The following AGAP1 variants were observed in gnomAD, a reference collection of about 807,000 sequenced individuals.
The protein encoded by AGAP1 is arf-GAP with GTPase, ANK repeat and PH domain-containing protein 1.
Under a neutral mutation model 105.3 loss-of-function variants are expected in AGAP1, and 29 were observed. The observed-to-expected ratio is 0.28, with a 90% CI of 0.21 to 0.38. AGAP1 has a LOEUF of 0.38. Ranked by LOEUF, AGAP1 falls within the 10% of genes least tolerant of loss-of-function variation. AGAP1 has a pLI of 1.00. For synonymous variants in AGAP1, 509 were observed against 485.9 expected (o/e 1.05, Z -0.63); for missense variants, 998 against 1,165.1 (o/e 0.86, Z 2.09).
rs563456948 is a variant in AGAP1 at position 235,724,442 on chromosome 2, C to G, written c.310+6798C>G. On this transcript the variant is annotated intron_variant, in intron 3 of 17. Coordinates refer to ENST00000304032, the MANE Select transcript of AGAP1 (RefSeq NM_001037131.3). The surrounding 1 kb of genome is among the most constrained non-coding windows in gnomAD (Gnocchi z 4.9). ...CACTGGGAGATTAGCCTCCCTCATTCATTTTCCCGATAGAATATGATAGCT... is the reference window on the plus strand; with the variant it reads ...CACTGGGAGATTAGCCTCCCTCATTGATTTTCCCGATAGAATATGATAGCT... 1.3e-5 allele frequency among the ~76,000 whole-genome samples: 2 copies of G among 152,188 alleles called. No homozygotes were observed. Among genetic ancestry groups the G allele is most frequent in the Non-Finnish European group, 2.9e-5 (2 of 68,034 alleles).
At position 235,889,335 on chromosome 2, in the gene AGAP1, G is replaced by A. The variant is rs1034243615; in HGVS notation, c.1155+5886G>A. ...GTGGGGCTGGTGTGAGGCTGAAAAT[G>A]TACCTAGAATGGGTCGGCTGCCTGG... On this transcript the variant is annotated intron_variant, in intron 10 of 17. Transcript: ENST00000304032. The surrounding 1 kb of genome is among the most constrained non-coding windows in gnomAD (Gnocchi z 4.6). 6.6e-6 allele frequency among the ~76,000 whole-genome samples: 1 copy of A among 152,142 alleles called. No homozygotes were observed.
Position 235,774,166 on chromosome 2 carries a change from C to A in AGAP1, c.674-23593C>A, listed in dbSNP as rs150203802. The A allele has an allele frequency of 2.6e-4, 99 of 378,976 alleles. 1 individual carries two copies. Among genetic ancestry groups the A allele is most frequent in the African/African-American group, 2.0e-3 (96 of 46,862 alleles). The allele number at this position is 378,976 out of a possible 1,614,324, so 23.5% of individuals were successfully genotyped here. A position where few individuals can be genotyped will look rare whatever the true frequency, so the allele number is the denominator to read the frequency against. ...GAAAATTCAACTCATAAATAAATGC[C>A]CTTATTCTTGATATTATAGACATTT... On this transcript the variant is annotated intron_variant, in intron 6 of 17. Transcript: ENST00000304032.
At chr2:236,011,801 G>A (rs764962696) in intron 13 of AGAP1, among the ~76,000 whole-genome samples, 2 of 151,982 alleles carry the variant, frequency 1.3e-5, no homozygotes, top group African/African-American at 4.8e-5. Context: ...CCCGAGAATC[G>A]CCTTTTATTC....
intron 16 of AGAP1, among the ~76,000 whole-genome samples, chr2:236,079,601 C>CATACATATATATATAT (rs2058730669): frequency 6.6e-6 from 1 of 151,566 alleles, no homozygotes; most frequent in Non-Finnish European, 1.5e-5. Context: ...CATATACATA[C>CATACATATATATATAT]ATACATATAT....
At chr2:235,853,179 T>G (rs2048551371) in intron 9 of AGAP1, 2 of 1,086,422 alleles carry the variant, frequency 1.8e-6, no homozygotes, top group African/African-American at 1.6e-5. Flanking sequence ...GGTAGAAACA[T>G]AAAACATTAA....
intron 1 of AGAP1, among the ~76,000 whole-genome samples, chr2:235,519,753 A>G (rs1337780374): frequency 6.6e-6 from 1 of 152,156 alleles, no homozygotes; most frequent in Non-Finnish European, 1.5e-5. Context: ...CATCCTGTAT[A>G]TACCCTGCCA....
chr2:235,540,148 C>CTTT (rs535395155), intron 1 of AGAP1, among the ~76,000 whole-genome samples: 31 of 129,098 alleles, frequency 2.4e-4, no homozygotes, highest in African/African-American at 4.5e-4. Context: ...CCTCTCTCCT[C>CTTT]TTTTTTTTTT....
At chr2:235,686,665 A>ATATATGTTTTT (rs1369766503) in intron 1 of AGAP1, among the ~76,000 whole-genome samples, 1 of 77,492 alleles carries the variant, frequency 1.3e-5, no homozygotes, top group Non-Finnish European at 2.2e-5. Flanking sequence ...ATATATATAT[A>ATATATGTTTTT]TTTTTTTTTT....
At chr2:235,819,209 G>T (rs910218421) in intron 9 of AGAP1, among the ~76,000 whole-genome samples, 2 of 150,424 alleles carry the variant, frequency 1.3e-5, no homozygotes, top group African/African-American at 4.9e-5. Context: ...TCTGCCTCCC[G>T]TGTTGAATTG....
chr2:235,529,462 G>A (rs562608785), intron 1 of AGAP1, among the ~76,000 whole-genome samples: 1 of 152,328 alleles, frequency 6.6e-6, no homozygotes, highest in East Asian at 1.9e-4. Flanking sequence ...GCCTGTGTGT[G>A]GGGATTGAAC....
rs1382043707 is a variant in AGAP1, at chr2:235,494,492, C to T, written c.-195C>T. On this transcript the variant is annotated 5_prime_UTR_variant, in exon 1 of 18. Coordinates refer to ENST00000304032, the MANE Select transcript of AGAP1 (RefSeq NM_001037131.3). The stretch of plus-strand genomic sequence containing the variant: ...CCCGCTCGCTCGCCGGCCGCGCGTC[C>T]CGGCCATGAACTGAGCCCGCGGGCC... 34 of 143,664 alleles carry T rather than the reference C, an allele frequency of 2.4e-4. No individual in the cohort carries two copies. The highest frequency in any genetic ancestry group is 7.7e-4 in the African/African-American group (31 of 40,058). The allele number at this position is 143,664 out of a possible 1,614,324, so 8.9% of individuals were successfully genotyped here. A position where few individuals can be genotyped will look rare whatever the true frequency, so the allele number is the denominator to read the frequency against.
chr2:236,057,467 A>G (rs996141062), intron 16 of AGAP1, among the ~76,000 whole-genome samples: 1 of 152,178 alleles, frequency 6.6e-6, no homozygotes, highest in Non-Finnish European at 1.5e-5. Flanking sequence ...CTCTTCCATC[A>G]GTGCTAATCC....
chr2:236,033,922 G>T (rs892784446), intron 13 of AGAP1, among the ~76,000 whole-genome samples: 7 of 152,198 alleles, frequency 4.6e-5, no homozygotes, highest in Non-Finnish European at 8.8e-5. Context: ...ATGCTGATCA[G>T]AGGGAGCTTT....
At position 235,919,249 on chromosome 2, in the gene AGAP1, G is replaced by C. The variant is rs1305037924; in HGVS notation, c.1324+10343G>C. Among the ~76,000 whole-genome samples, 2 of 152,240 alleles carry C rather than the reference G, an allele frequency of 1.3e-5. No homozygotes were observed. The highest frequency in any genetic ancestry group is 2.9e-5 in the Non-Finnish European group (2 of 68,046). ...AAGGGCTTCTGGTTCTTCCAGGCTA[G>C]AGTTGAGTCCGTGGCTTCCCTGCTT... On this transcript the variant is annotated intron_variant, in intron 11 of 17. Coordinates refer to ENST00000304032, the MANE Select transcript of AGAP1 (RefSeq NM_001037131.3). The surrounding 1 kb of genome is among the most constrained non-coding windows in gnomAD (Gnocchi z 4.1).
At chr2:235,607,651 C>A (rs1339493960) in intron 1 of AGAP1, among the ~76,000 whole-genome samples, 7 of 152,204 alleles carry the variant, frequency 4.6e-5, no homozygotes, top group Admixed American at 1.3e-4. Context: ...GGCTGGTGCA[C>A]ACAAGAGGAC....
At position 235,967,826 on chromosome 2, in the gene AGAP1, C is replaced by T. The variant is rs1392122315; in HGVS notation, c.1484-636C>T. On this transcript the variant is annotated intron_variant, in intron 12 of 17. Coordinates refer to ENST00000304032, the MANE Select transcript of AGAP1 (RefSeq NM_001037131.3). This position sits in a 1 kb window ranked among gnomAD's most constrained non-coding sequence, Gnocchi z 4.7. Reference sequence around the variant, plus strand: ...CACTTATAGTGAATAATCACGTGTGCACTGGTTTTGAAACTGTTCTAAGTA... The same window carrying T: ...CACTTATAGTGAATAATCACGTGTGTACTGGTTTTGAAACTGTTCTAAGTA... Among the ~76,000 whole-genome samples the T allele has an allele frequency of 2.6e-5, 4 of 152,126 alleles. No individual in the cohort carries two copies. Among genetic ancestry groups the T allele is most frequent in the Admixed American group, 2.0e-4 (3 of 15,262 alleles).
chr2:236,122,459 C>T (rs964852645), intron 17 of AGAP1, among the ~76,000 whole-genome samples: 3 of 152,134 alleles, frequency 2.0e-5, no homozygotes, highest in Admixed American at 1.3e-4. Context: ...CCTTTGATGG[C>T]GCTGGTTCCA....
intron 6 of AGAP1, chr2:235,774,098 A>G (rs1955672119): frequency 2.4e-6 from 1 of 417,188 alleles, no homozygotes; most frequent in African/African-American, 2.1e-5. Context: ...CTGCCTTGCA[A>G]TTAAATATCC....
rs1559646482 is a variant in AGAP1 at position 235,919,179 on chromosome 2, G to A, written c.1324+10273G>A. Among the ~76,000 whole-genome samples the A allele has an allele frequency of 1.3e-5, 2 of 152,140 alleles. No individual in the cohort carries two copies. The highest frequency in any genetic ancestry group is 4.8e-5 in the African/African-American group (2 of 41,428). ...TTACCCGCGCCCCCTCCACCAGGGA[G>A]CCAGCTGCCAGCCCCGGGGGCCAGT... On this transcript the variant is annotated intron_variant, in intron 11 of 17. Coordinates refer to ENST00000304032, the MANE Select transcript of AGAP1 (RefSeq NM_001037131.3). This position sits in a 1 kb window ranked among gnomAD's most constrained non-coding sequence, Gnocchi z 4.1.
Sources: allele counts gnomAD v4.1 joint callset (sites outside exome capture counted in the v4.1 genomes callset), GRCh38; gene constraint gnomAD v4.1.1; non-coding constraint Gnocchi (gnomAD v3.1); transcripts MANE v1.5; gene names NCBI Gene and HGNC (gene_info 2026-07-23, HGNC 2026-07-21).